Variants in GPHN observed in about 807,000 individuals in gnomAD.
GPHN encodes the protein gephyrin.
Under a neutral mutation model 95.5 loss-of-function variants are expected in GPHN, and 17 were observed. That is an observed-to-expected ratio of 0.18 (90% confidence interval 0.12 to 0.27). The LOEUF is 0.27. Ranked by LOEUF, GPHN falls within the 10% of genes least tolerant of loss-of-function variation. The pLI is 1.00. For synonymous variants in GPHN, 320 were observed against 322.5 expected, an observed-to-expected ratio of 0.99 and a Z score of 0.08; for missense variants, 660 against 978.1, an observed-to-expected ratio of 0.67 and a Z score of 4.34.
chr14:66,696,598 A>G (rs1016329733), intron 2 of GPHN, among the ~76,000 whole-genome samples: 4 of 152,246 alleles, frequency 2.6e-5, no homozygotes, highest in African/African-American at 4.8e-5. Context: ...GAAAGCTTAT[A>G]CTATAACCAC....
the GPHN span, chr14:67,674,606 C>A: frequency 1.3e-6 from 1 of 779,744 alleles, no homozygotes; most frequent in Non-Finnish European, 1.9e-6. Flanking sequence ...ACCACCGCCG[C>A]CCAGGACGAG....
At chr14:67,633,766 T>C in the GPHN span, among the ~76,000 whole-genome samples, 1 of 152,216 alleles carries the variant, frequency 6.6e-6, no homozygotes, top group Admixed American at 6.5e-5. Context: ...CTAGGTGCAC[T>C]CTGGGTTCGG....
the GPHN span, chr14:67,583,605 C>G: frequency 1.7e-6 from 1 of 593,326 alleles, no homozygotes; most frequent in Non-Finnish European, 2.8e-6. Flanking sequence ...AAGCGTTTTT[C>G]TAAAGTATTT....
intron 1 of GPHN, among the ~76,000 whole-genome samples, chr14:66,545,347 C>T (rs1183352130): frequency 7.0e-6 from 1 of 142,374 alleles, no homozygotes; most frequent in Non-Finnish European, 1.5e-5. Flanking sequence ...GACCCCCCCA[C>T]CTCCCTCCCG....
chr14:67,495,416 T>A, the GPHN span, among the ~76,000 whole-genome samples: 3 of 152,228 alleles, frequency 2.0e-5, no homozygotes, highest in African/African-American at 7.2e-5. Flanking sequence ...CTGGAGATAT[T>A]TTGACACCTG....
chr14:67,277,006 A>C, the GPHN span, among the ~76,000 whole-genome samples: 8 of 152,226 alleles, frequency 5.3e-5, no homozygotes, highest in Non-Finnish European at 7.3e-5. Context: ...GAGAGGGTTA[A>C]GAGTTTTAAT....
chr14:67,329,654 G>C, the GPHN span, among the ~76,000 whole-genome samples: 4 of 151,856 alleles, frequency 2.6e-5, no homozygotes, highest in Non-Finnish European at 5.9e-5. Context: ...TACGGCGGAC[G>C]CATCACTTGA....
chr14:67,724,700 C>G, the GPHN span: 1 of 883,188 alleles, frequency 1.1e-6, no homozygotes, highest in Non-Finnish European at 1.9e-6. Context: ...GGGGCTCTGA[C>G]TAGAAATTCA....
the GPHN span, among the ~76,000 whole-genome samples, chr14:67,670,040 A>G: frequency 6.6e-6 from 1 of 152,192 alleles, no homozygotes; most frequent in Admixed American, 6.5e-5. Context: ...GGCTGCAGTG[A>G]GCAGTGATGG....
At chr14:67,144,286 T>TAC (rs1555502099) in intron 18 of GPHN, among the ~76,000 whole-genome samples, 1,298 of 78,072 alleles carry the variant, frequency 0.017, 244 homozygotes, top group African/African-American at 0.064. Flanking sequence ...TATATATATA[T>TAC]ACACACACAC....
At chr14:67,410,950 T>C in the GPHN span, among the ~76,000 whole-genome samples, 2 of 151,896 alleles carry the variant, frequency 1.3e-5, no homozygotes, top group Non-Finnish European at 2.9e-5. Flanking sequence ...GTTCAAGACC[T>C]GCCTGGGAAA....
the GPHN span, among the ~76,000 whole-genome samples, chr14:67,656,852 C>T: frequency 6.6e-6 from 1 of 152,166 alleles, no homozygotes; most frequent in Non-Finnish European, 1.5e-5. Flanking sequence ...ATTAAAAATA[C>T]TGGAGCACTT....
chr14:67,695,653 C>G, the GPHN span: 1 of 1,614,044 alleles, frequency 6.2e-7, no homozygotes, highest in Non-Finnish European at 8.5e-7. Flanking sequence ...CAGCCATATA[C>G]AGAAGGAAGG....
intron 4 of GPHN, among the ~76,000 whole-genome samples, chr14:66,871,287 G>A (rs1254976956): frequency 6.6e-6 from 1 of 152,140 alleles, no homozygotes; most frequent in African/African-American, 2.4e-5. Flanking sequence ...GCTATCTGTT[G>A]ATATTTCCCT....
intron 5 of GPHN, among the ~76,000 whole-genome samples, chr14:66,913,096 C>T (rs2065747365): frequency 6.6e-6 from 1 of 152,046 alleles, no homozygotes; most frequent in Non-Finnish European, 1.5e-5. Context: ...TTTGCCTTTC[C>T]AACAAATTCC....
intron 2 of GPHN, among the ~76,000 whole-genome samples, chr14:66,707,136 T>C (rs1364676402): frequency 2.0e-5 from 3 of 151,192 alleles, no homozygotes; most frequent in Admixed American, 1.3e-4. Flanking sequence ...CCAGTCAGAA[T>C]GGCGATTATT....
intron 1 of GPHN, among the ~76,000 whole-genome samples, chr14:66,523,365 G>A (rs958621690): frequency 1.3e-5 from 2 of 152,062 alleles, no homozygotes; most frequent in African/African-American, 4.8e-5. Flanking sequence ...GGTATTTGAA[G>A]TATTACTTTT....
chr14:67,678,377 T>C, the GPHN span: 2 of 1,613,974 alleles, frequency 1.2e-6, no homozygotes, highest in Non-Finnish European at 1.7e-6. Flanking sequence ...CGCCTTGCTA[T>C]AGTCTCATTA....
At chr14:66,989,488 G>A (rs2071255685) in intron 9 of GPHN, among the ~76,000 whole-genome samples, 1 of 151,544 alleles carries the variant, frequency 6.6e-6, no homozygotes, top group South Asian at 2.1e-4. Flanking sequence ...TTAAAAATTA[G>A]GTTATCTCAT....
Sources: allele counts gnomAD v4.1 joint callset (sites outside exome capture counted in the v4.1 genomes callset), GRCh38; gene constraint gnomAD v4.1.1; transcripts MANE v1.5; gene names NCBI Gene and HGNC (gene_info 2026-07-23, HGNC 2026-07-21).